SHQ1: variants seen among roughly 807,000 people sequenced by gnomAD.
SHQ1 encodes the protein SHQ1, H/ACA ribonucleoprotein assembly factor, also known as protein SHQ1 homolog.
In SHQ1, 49 loss-of-function variants were observed where a neutral mutation model predicts 53.8. The ratio of observed to expected loss-of-function variants is 0.91; its 90% confidence interval spans 0.72 to 1.16. SHQ1 has a LOEUF of 1.16. Among genes scored for constraint, SHQ1 ranks in the 50% most tolerant of loss-of-function variants. The pLI, the probability that SHQ1 is intolerant of heterozygous loss-of-function variation, is 0.00. For synonymous variants in SHQ1, 243 were observed against 251.0 expected, an observed-to-expected ratio of 0.97 and a Z score of 0.30; for missense variants, 738 against 683.1, an observed-to-expected ratio of 1.08 and a Z score of -0.90.
chr3:72,821,163 C>T (rs866631796), intron 6 of SHQ1, among the ~76,000 whole-genome samples: 1 of 152,114 alleles, frequency 6.6e-6, no homozygotes, highest in Non-Finnish European at 1.5e-5. Flanking sequence ...AATGGGTAGC[C>T]CTGCAGTGCT....
chr3:72,766,354 C>T lies in SHQ1; in HGVS notation c.1182-15518G>A, dbSNP rs547720834. 1.9e-4 allele frequency among the ~76,000 whole-genome samples: 29 copies of T among 152,270 alleles called. No individual in the cohort carries two copies. The South Asian group carries it at 5.8e-3, about 31-fold the overall frequency. Reference sequence around the variant, plus strand: ...CTCTAAACCATAGTTCTTGTACCATCCATCCACCTCTGTGGGCCAACCTGC... The same window carrying T: ...CTCTAAACCATAGTTCTTGTACCATTCATCCACCTCTGTGGGCCAACCTGC... On this transcript the variant is annotated intron_variant, in intron 10 of 10. Coordinates refer to ENST00000325599, the MANE Select transcript of SHQ1 (RefSeq NM_018130.3).
chr3:72,761,472 A>G (rs1040490900), intron 10 of SHQ1, among the ~76,000 whole-genome samples: 3 of 152,196 alleles, frequency 2.0e-5, no homozygotes, highest in African/African-American at 7.2e-5. Flanking sequence ...GCGCCGGGCC[A>G]AGGAATAAAA....
the SHQ1 span, among the ~76,000 whole-genome samples, chr3:72,743,842 C>T: frequency 0.013 from 1,907 of 152,234 alleles, 33 homozygotes; most frequent in Non-Finnish European, 0.018. Flanking sequence ...TACTCTAAGA[C>T]CATTACAAAT....
chr3:72,806,824 G>T (rs149631719), intron 9 of SHQ1, among the ~76,000 whole-genome samples: 1 of 151,960 alleles, frequency 6.6e-6, no homozygotes, highest in African/African-American at 2.4e-5. Flanking sequence ...GAAATGTGTC[G>T]TCTCTCTCTT....
chr3:72,793,448 C>G (rs768842058), intron 9 of SHQ1: 1 of 149,060 alleles, frequency 6.7e-6, no homozygotes, highest in Non-Finnish European at 1.5e-5. Flanking sequence ...TGGAGCTTGC[C>G]GTGAGCCAAG....
rs75911734 is a variant in SHQ1, at chr3:72,791,491, T to C, written c.1181+1425A>G. 5.5e-3 allele frequency among the ~76,000 whole-genome samples: 840 copies of C among 152,346 alleles called. 11 individuals carry two copies. Among genetic ancestry groups the C allele is most frequent in the Middle Eastern group, 0.02 (6 of 294 alleles). On this transcript the variant is annotated intron_variant, in intron 10 of 10. Coordinates refer to ENST00000325599, the MANE Select transcript of SHQ1 (RefSeq NM_018130.3). ...CCTCAAGTTTTTTCATATTTCATTC[T>C]GCAATATAATTGCTCCCCCATGAAG...
At chr3:72,790,098 G>A (rs1386596030) in intron 10 of SHQ1, among the ~76,000 whole-genome samples, 1 of 152,234 alleles carries the variant, frequency 6.6e-6, no homozygotes. Flanking sequence ...TATAGTGAAG[G>A]GTGGTAGGGA....
intron 10 of SHQ1, among the ~76,000 whole-genome samples, chr3:72,780,866 T>C (rs1706056295): frequency 6.6e-6 from 1 of 152,296 alleles, no homozygotes; most frequent in East Asian, 1.9e-4. Context: ...ATTAGAGGTG[T>C]ATTCCATCAC....
intron 6 of SHQ1, among the ~76,000 whole-genome samples, chr3:72,822,448 T>C (rs1372632574): frequency 6.6e-6 from 1 of 152,160 alleles, no homozygotes; most frequent in East Asian, 1.9e-4. Context: ...AGAGCATTGC[T>C]GACACAGAAA....
At chr3:72,742,616 T>TTC in the SHQ1 span, among the ~76,000 whole-genome samples, 2 of 131,962 alleles carry the variant, frequency 1.5e-5, no homozygotes, top group Non-Finnish European at 3.2e-5. Flanking sequence ...TTTTTCTTTT[T>TTC]TTCTTTTTTT....
intron 6 of SHQ1, among the ~76,000 whole-genome samples, chr3:72,821,669 T>C (rs948278836): frequency 7.9e-5 from 12 of 152,140 alleles, no homozygotes; most frequent in Non-Finnish European, 2.9e-5. Context: ...GAGGAGGTGT[T>C]AAACAGACAA....
At chr3:72,783,337 G>T (rs544706788) in intron 10 of SHQ1, among the ~76,000 whole-genome samples, 116 of 151,376 alleles carry the variant, frequency 7.7e-4, no homozygotes, top group African/African-American at 2.7e-3. Context: ...AAACTATAAA[G>T]GCCTTGCCCA....
chr3:72,797,546 C>T (rs1000197490), intron 9 of SHQ1, among the ~76,000 whole-genome samples: 1 of 152,150 alleles, frequency 6.6e-6, no homozygotes, highest in African/African-American at 2.4e-5. Context: ...TTTGAATTCA[C>T]ATTTTAAATT....
chr3:72,732,774 C>G, the SHQ1 span, among the ~76,000 whole-genome samples: 1 of 151,350 alleles, frequency 6.6e-6, no homozygotes, highest in Admixed American at 6.6e-5. Flanking sequence ...TCTTGACCAA[C>G]AAGCCTCGAG....
chr3:72,815,392 T>C lies in SHQ1; in HGVS notation c.894A>G (p.Ala298=). 6.2e-7 allele frequency: 1 copy of C among 1,613,332 alleles called. No homozygotes were observed. Among genetic ancestry groups the C allele is most frequent in the South Asian group, 1.1e-5 (1 of 91,058 alleles). The part of the protein sequence containing the change: ...VTEGEKNVES[A]WNIRKLSPTL... ...TTGGACTCAGTTTCCTGATATTCCA[T>C]GCAGATTCAACCTTTATTTGTTTTG... The change falls in exon 8 of 11, where the codon GCA becomes GCG. Residue 298 remains alanine, a synonymous_variant. Coordinates refer to ENST00000325599, the MANE Select transcript of SHQ1 (RefSeq NM_018130.3).
intron 10 of SHQ1, among the ~76,000 whole-genome samples, chr3:72,791,055 T>A (rs6778168): frequency 0.36 from 54,091 of 152,002 alleles, 12,532 homozygotes; most frequent in African/African-American, 0.66. Context: ...ATATCTTTCT[T>A]CTTTAATGAA....
chr3:72,845,881 T>G (rs548401004), intron 1 of SHQ1, among the ~76,000 whole-genome samples: 6 of 152,342 alleles, frequency 3.9e-5, no homozygotes, highest in Non-Finnish European at 7.3e-5. Flanking sequence ...AGGGGTCAGT[T>G]TATGGATGAG....
At chr3:72,726,855 T>C in the SHQ1 span, among the ~76,000 whole-genome samples, 2 of 152,158 alleles carry the variant, frequency 1.3e-5, no homozygotes, top group African/African-American at 4.8e-5. Flanking sequence ...CATTAGATCA[T>C]TGGTGCCAAA....
chr3:72,812,089 A>C (rs1575713185), intron 9 of SHQ1, among the ~76,000 whole-genome samples: 1 of 152,236 alleles, frequency 6.6e-6, no homozygotes, highest in Non-Finnish European at 1.5e-5. Context: ...CCTTAAAGCT[A>C]ACGAGTGTTT....
Sources: allele counts gnomAD v4.1 joint callset (sites outside exome capture counted in the v4.1 genomes callset), GRCh38; gene constraint gnomAD v4.1.1; transcripts MANE v1.5; gene names NCBI Gene and HGNC (gene_info 2026-07-23, HGNC 2026-07-21).